The following PHIP variants were observed in gnomAD, a reference collection of about 807,000 sequenced individuals.
PHIP encodes PH-interacting protein.
PHIP carries 54 observed loss-of-function variants against 236.8 expected under a neutral mutation model. The ratio of observed to expected loss-of-function variants is 0.23; its 90% CI spans 0.18 to 0.29. The LOEUF (loss-of-function observed/expected upper bound fraction) is 0.29, where lower values mean the gene tolerates loss of function less well. Among genes scored for constraint, PHIP ranks in the 10% least tolerant of loss-of-function variants. The pLI is 1.00. For missense variants in PHIP, 1,370 were observed against 2,190.8 expected (o/e 0.63, Z 7.48); for synonymous variants, 756 against 718.9 (o/e 1.05, Z -0.83).
Position 79,017,350 on chromosome 6 carries a change from T to C in PHIP, c.1132A>G (p.Asn378Asp). Reference protein sequence around the residue: ...VDSIQFSNTSNRFVSGSRDGT... With the variant: ...VDSIQFSNTSDRFVSGSRDGT... Reference sequence around the variant, plus strand: ...TAAATTAGACAAATATTTTACCTGTTACTAGTGTTGGAAAACTGGATACTG... The same window carrying C: ...TAAATTAGACAAATATTTTACCTGTCACTAGTGTTGGAAAACTGGATACTG... The change falls in exon 12 of 40, where the codon AAC (asparagine) becomes GAC (aspartate). Residue 378 changes from asparagine to aspartate, a missense_variant. Physicochemically the swap from Asn to Asp is conservative, Grantham distance 23. This residue lies in a region of PHIP where 188 missense variants were observed against 354.3 expected (regional missense o/e 0.53). Coordinates refer to ENST00000275034, the MANE Select transcript of PHIP (RefSeq NM_017934.7). The C allele has an allele frequency of 6.6e-7, 1 of 1,515,384 alleles. No individual in the cohort carries two copies. The highest frequency in any genetic ancestry group is 9.0e-7 in the Non-Finnish European group (1 of 1,108,760). 93.9% of individuals were successfully genotyped at this position (1,515,384 alleles called of 1,614,324 possible).
chr6:79,017,635 C>A (rs749655046), intron 10 of PHIP, 52 bp from the exon 11 acceptor site: 3 of 1,299,212 alleles, frequency 2.3e-6, no homozygotes, highest in South Asian at 2.4e-5. Context: ...TTCAAAATCT[C>A]TGAAAATTAG....
chr6:79,067,897 A>T (rs1392423155), intron 4 of PHIP: 2 of 152,772 alleles, frequency 1.3e-5, no homozygotes, highest in African/African-American at 4.8e-5. Flanking sequence ...TGTGAATTAC[A>T]GTATGGAAGA....
intron 7 of PHIP, among the ~76,000 whole-genome samples, chr6:79,031,762 A>G (rs931176727): frequency 1.3e-5 from 2 of 152,256 alleles, no homozygotes; most frequent in African/African-American, 4.8e-5. Context: ...CTTTTACAGT[A>G]TGGAGGTAAT....
At chr6:78,965,924 A>G (rs1200614808) in intron 28 of PHIP, 21 bp downstream of exon 28, 2 of 1,550,844 alleles carry the variant, frequency 1.3e-6, no homozygotes, top group Non-Finnish European at 1.8e-6. Flanking sequence ...GTGAACTAAA[A>G]TACAACAAAT....
rs1770020602 is a variant in PHIP, at chr6:79,001,909, T to C, written c.1869A>G (p.Val623=). 1.2e-6 allele frequency: 2 copies of C among 1,606,098 alleles called. No homozygotes were observed. Among genetic ancestry groups the C allele is most frequent in the East Asian group, 2.2e-5 (1 of 44,824 alleles). The change falls in exon 17 of 40, where the codon GTA becomes GTG. Residue 623 remains valine (V), a synonymous_variant. Coordinates refer to ENST00000275034, the MANE Select transcript of PHIP (RefSeq NM_017934.7). ...REEQLIPQMG[V]TSSGLNQVLS... ...AAAATGAGCACCTACCTGAGGAAGT[T>C]ACTCCCATCTGAGGGATGAGTTGCT...
chr6:79,003,049 A>G (rs188202297), intron 16 of PHIP, among the ~76,000 whole-genome samples: 2 of 152,244 alleles, frequency 1.3e-5, no homozygotes, highest in Admixed American at 1.3e-4. Context: ...CTTTTATACC[A>G]TTCCACCACA....
intron 15 of PHIP, among the ~76,000 whole-genome samples, chr6:79,013,457 C>A (rs1770691583): frequency 6.6e-6 from 1 of 150,666 alleles, no homozygotes; most frequent in Non-Finnish European, 1.5e-5. Context: ...AGAAAAATAT[C>A]CTCATCTAAC....
chr6:79,024,620 C>T (rs1427178015), intron 9 of PHIP, among the ~76,000 whole-genome samples: 4 of 151,954 alleles, frequency 2.6e-5, no homozygotes, highest in African/African-American at 7.2e-5. Context: ...CTGGCTAACA[C>T]GGTGAAACCC....
intron 19 of PHIP, among the ~76,000 whole-genome samples, chr6:78,996,054 C>G (rs756595724): frequency 6.6e-6 from 1 of 152,228 alleles, no homozygotes. Flanking sequence ...ATCTTCCTCA[C>G]TCCTCAGGTT....
chr6:79,066,486 T>C (rs1773626912), intron 4 of PHIP, among the ~76,000 whole-genome samples: 1 of 152,188 alleles, frequency 6.6e-6, no homozygotes, highest in Non-Finnish European at 1.5e-5. Context: ...CTACAATTCA[T>C]ACTATCACAC....
intron 6 of PHIP, among the ~76,000 whole-genome samples, chr6:79,046,614 C>A (rs1328883862): frequency 6.6e-6 from 1 of 152,144 alleles, no homozygotes; most frequent in Non-Finnish European, 1.5e-5. Context: ...CAGGGACTCA[C>A]ACCTGTAATC....
At chr6:78,962,375 ATACT>A (rs1229745532) in intron 30 of PHIP, among the ~76,000 whole-genome samples, 1 of 152,158 alleles carries the variant, frequency 6.6e-6, no homozygotes, top group African/African-American at 2.4e-5. Context: ...TTCGCATATA[ATACT>A]TAATATCCTA....
intron 15 of PHIP, among the ~76,000 whole-genome samples, chr6:79,006,712 AAT>A (rs1164369374): frequency 1.3e-5 from 2 of 152,046 alleles, no homozygotes; most frequent in African/African-American, 2.4e-5. Context: ...AATAATTAGA[AAT>A]AGAGTGAAAC....
In PHIP at chr6:79,025,556, A is replaced by T; in HGVS notation, c.886T>A (p.Cys296Ser). ...GTTCCAGCATCCCAGAGCCAAAAACAAATAGTGCCATCTGCCCCAGTAGAA... is the reference window on the plus strand; with the variant it reads ...GTTCCAGCATCCCAGAGCCAAAAACTAATAGTGCCATCTGCCCCAGTAGAA... Reference protein sequence around the residue: ...LSSTGADGTICFWLWDAGTLK... With the variant: ...LSSTGADGTISFWLWDAGTLK... Residue 296 changes from cysteine (C) to serine (S), a missense_variant, in exon 9 of 40, where the codon TGT (cysteine) becomes AGT (serine). Physicochemically the swap from Cys to Ser is moderately radical, Grantham distance 112 (BLOSUM62 -1). Coordinates refer to ENST00000275034, the MANE Select transcript of PHIP (RefSeq NM_017934.7). 1 of 1,611,948 alleles carries T rather than the reference A, an allele frequency of 6.2e-7. No individual in the cohort carries two copies. The highest frequency in any genetic ancestry group is 8.5e-7 in the Non-Finnish European group (1 of 1,178,042).
At chr6:78,981,822 G>A (rs1292718423) in intron 23 of PHIP, among the ~76,000 whole-genome samples, 1 of 151,926 alleles carries the variant, frequency 6.6e-6, no homozygotes, top group African/African-American at 2.4e-5. Context: ...TCACTGACAA[G>A]GTAGAAAAGA....
intron 7 of PHIP, among the ~76,000 whole-genome samples, chr6:79,038,985 C>T (rs781039521): frequency 2.0e-5 from 3 of 152,144 alleles, no homozygotes; most frequent in Admixed American, 2.0e-4. Flanking sequence ...CTTACAAATC[C>T]TATTTTTAAT....
chr6:79,029,347 T>A lies in PHIP; in HGVS notation c.601-3183A>T, dbSNP rs941745766. 5.9e-5 allele frequency among the ~76,000 whole-genome samples: 9 copies of A among 152,346 alleles called. No individual in the cohort carries two copies. In the East Asian group the frequency reaches 1.7e-3, roughly 29 times the overall value. ...TATATCATCGCTTGTGATAATTAATTTAACTTTATGGAAATTTGAAACAAA... is the reference window on the plus strand; with the variant it reads ...TATATCATCGCTTGTGATAATTAATATAACTTTATGGAAATTTGAAACAAA... On this transcript the variant is annotated intron_variant, in intron 7 of 39. Transcript: ENST00000275034.
chr6:79,063,377 T>A lies in PHIP; in HGVS notation c.190-2559A>T, dbSNP rs139230653. ...GCACATAAAAATAGATGCAGTAAAA[T>A]TTTTTTACATGGTATAATTCTTTAT... On this transcript the variant is annotated intron_variant, in intron 4 of 39. Coordinates refer to ENST00000275034, the MANE Select transcript of PHIP (RefSeq NM_017934.7). Among the ~76,000 whole-genome samples, 98 of 152,312 alleles carry A rather than the reference T, an allele frequency of 6.4e-4. 1 individual carries two copies. The South Asian group carries it at 8.1e-3, about 13-fold the overall frequency.
intron 7 of PHIP, among the ~76,000 whole-genome samples, chr6:79,031,420 T>G (rs1230681270): frequency 1.3e-5 from 2 of 152,198 alleles, no homozygotes; most frequent in Non-Finnish European, 2.9e-5. Flanking sequence ...GGTTTCTTTT[T>G]AAGTCAAGAC....
Sources: gnomAD v4.1 joint callset for allele counts (sites outside exome capture counted in the v4.1 genomes callset) on GRCh38, gnomAD v4.1.1 for gene constraint, gnomAD v4.1.1 regional missense constraint, MANE v1.5 for transcripts, NCBI Gene and HGNC (gene_info 2026-07-23, HGNC 2026-07-21) for gene names.